CPED1: variants seen among roughly 807,000 people sequenced by gnomAD.
CPED1 encodes the protein cadherin-like and PC-esterase domain-containing protein 1.
In CPED1, 114 loss-of-function variants were observed where a neutral mutation model predicts 128.2. The observed-to-expected ratio is 0.89, with a 90% CI of 0.76 to 1.04. The LOEUF (loss-of-function observed/expected upper bound fraction) is 1.04, where lower values mean the gene tolerates loss of function less well. CPED1 is among the 50% of genes least tolerant of loss of function. The pLI is 0.00. For missense variants in CPED1, 1,211 were observed against 1,207.1 expected (o/e 1.00, Z -0.05); for synonymous variants, 462 against 426.7 (o/e 1.08, Z -1.02).
intron 7 of CPED1, among the ~76,000 whole-genome samples, chr7:121,109,644 C>T (rs181692672): frequency 5.3e-4 from 81 of 152,186 alleles, no homozygotes; most frequent in Admixed American, 3.9e-3. Context: ...CAAACTGATG[C>T]TTTGGTAGAA....
chr7:121,136,107 G>A lies in CPED1; in HGVS notation c.1699+17G>A. 1 of 1,545,666 alleles carries A rather than the reference G, an allele frequency of 6.5e-7. No homozygotes were observed. Among genetic ancestry groups the A allele is most frequent in the Non-Finnish European group, 8.6e-7 (1 of 1,156,122 alleles). On this transcript the variant is annotated intron_variant, in intron 14 of 22. Coordinates refer to ENST00000310396, the MANE Select transcript of CPED1 (RefSeq NM_024913.5). ...GCAGTGATGGTGAGTTGAGATTAAA[G>A]TGTTGTAGCAGCATAATAAACAATT...
chr7:121,295,175 A>AC (rs1562865931), intron 22 of CPED1, among the ~76,000 whole-genome samples: 4 of 151,590 alleles, frequency 2.6e-5, no homozygotes, highest in South Asian at 2.1e-4. Context: ...ACACACACAC[A>AC]AAGACTAGAA....
At chr7:121,094,535 A>G (rs1299554129) in intron 5 of CPED1, among the ~76,000 whole-genome samples, 1 of 152,192 alleles carries the variant, frequency 6.6e-6, no homozygotes, top group Non-Finnish European at 1.5e-5. Context: ...AAACAAGTTC[A>G]TTGTTAGAAC....
intron 7 of CPED1, among the ~76,000 whole-genome samples, chr7:121,115,773 A>T (rs1293664642): frequency 6.6e-6 from 1 of 152,208 alleles, no homozygotes; most frequent in Non-Finnish European, 1.5e-5. Context: ...TATTATTGGA[A>T]GTTCAAAGAA....
intron 16 of CPED1, among the ~76,000 whole-genome samples, chr7:121,219,297 C>T (rs547051869): frequency 2.6e-5 from 4 of 151,958 alleles, no homozygotes; most frequent in South Asian, 2.1e-4. Context: ...ATTTTCCAGT[C>T]GAAATCCTAC....
intron 7 of CPED1, among the ~76,000 whole-genome samples, chr7:121,107,722 G>C (rs1441344247): frequency 2.0e-5 from 3 of 151,528 alleles, no homozygotes; most frequent in African/African-American, 7.3e-5. Context: ...TTTTACTTTG[G>C]GTATAGAAAA....
chr7:121,201,357 A>G (rs563777472), intron 16 of CPED1, among the ~76,000 whole-genome samples: 4 of 152,040 alleles, frequency 2.6e-5, no homozygotes, highest in African/African-American at 9.6e-5. Flanking sequence ...GCTTGGACCT[A>G]GGAGGTGGAT....
intron 3 of CPED1, among the ~76,000 whole-genome samples, chr7:121,043,080 T>TTTACA (rs528765781): frequency 0.018 from 2,740 of 152,124 alleles, 72 homozygotes; most frequent in African/African-American, 0.059. Context: ...TTTACTCCAG[T>TTTACA]GCTTAGAAAG....
At position 121,106,748 on chromosome 7, in the gene CPED1, G is replaced by A. The variant is rs534371156; in HGVS notation, c.918+6654G>A. 1.7e-3 allele frequency among the ~76,000 whole-genome samples: 264 copies of A among 152,192 alleles called. 1 individual carries two copies. Among genetic ancestry groups the A allele is most frequent in the African/African-American group, 6.1e-3 (253 of 41,544 alleles). On this transcript the variant is annotated intron_variant, in intron 7 of 22. Transcript: ENST00000310396. Reference sequence around the variant, plus strand: ...AGTTATGGACTTGAAAAGAGCAAGTGTTGTTTCTCTGAACTGGATCCTGGA... The same window carrying A: ...AGTTATGGACTTGAAAAGAGCAAGTATTGTTTCTCTGAACTGGATCCTGGA...
intron 7 of CPED1, among the ~76,000 whole-genome samples, chr7:121,121,434 AT>A (rs1248987449): frequency 4.6e-5 from 7 of 152,338 alleles, no homozygotes; most frequent in Admixed American, 4.6e-4. Context: ...CCATGATCTT[AT>A]GAGGTCATTT....
intron 16 of CPED1, among the ~76,000 whole-genome samples, chr7:121,157,133 C>G (rs1213260799): frequency 6.6e-6 from 1 of 152,116 alleles, no homozygotes; most frequent in Non-Finnish European, 1.5e-5. Flanking sequence ...AACCACCACC[C>G]CTCTTCTTAC....
At chr7:120,997,778 T>G (rs1290027023) in intron 2 of CPED1, among the ~76,000 whole-genome samples, 1 of 151,648 alleles carries the variant, frequency 6.6e-6, no homozygotes, top group Non-Finnish European at 1.5e-5. Flanking sequence ...AAAAACTAGC[T>G]GGGCATGGTG....
chr7:121,261,696 G>C (rs762946373), intron 18 of CPED1: 179 of 1,608,472 alleles, frequency 1.1e-4, no homozygotes, highest in Non-Finnish European at 1.4e-4. Context: ...GTCATCCTGG[G>C]ACCCTAAATG....
chr7:121,261,767 G>A, intron 18 of CPED1: 1 of 1,544,578 alleles, frequency 6.5e-7, no homozygotes, highest in Non-Finnish European at 8.8e-7. Flanking sequence ...ATTTTTCTGA[G>A]AGAGTAATAA....
intron 5 of CPED1, among the ~76,000 whole-genome samples, chr7:121,079,358 G>A (rs1160494968): frequency 6.6e-6 from 1 of 152,200 alleles, no homozygotes; most frequent in Non-Finnish European, 1.5e-5. Context: ...GACTGCTTAT[G>A]GTAAAGCCCA....
intron 5 of CPED1, among the ~76,000 whole-genome samples, chr7:121,088,742 T>C (rs1201801190): frequency 8.4e-5 from 3 of 35,764 alleles, no homozygotes; most frequent in Non-Finnish European, 1.7e-4. Context: ...CTTCAAAAGT[T>C]AAAATCTAGG....
At chr7:121,180,209 G>T (rs940548464) in intron 16 of CPED1, among the ~76,000 whole-genome samples, 1 of 152,048 alleles carries the variant, frequency 6.6e-6, no homozygotes, top group African/African-American at 2.4e-5. Context: ...GATTCTTAAA[G>T]TGACTCATTA....
intron 4 of CPED1, chr7:121,050,306 C>T (rs1218148957): frequency 6.5e-6 from 1 of 152,794 alleles, no homozygotes; most frequent in African/African-American, 2.4e-5. Context: ...TCGCTATATA[C>T]TCATACAAAT....
At chr7:121,239,041 G>C (rs374438834) in intron 17 of CPED1, among the ~76,000 whole-genome samples, 1 of 152,146 alleles carries the variant, frequency 6.6e-6, no homozygotes, top group Non-Finnish European at 1.5e-5. Flanking sequence ...TAACAAGTGA[G>C]GTCAGGATAG....
Sources: allele counts gnomAD v4.1 joint callset (sites outside exome capture counted in the v4.1 genomes callset), GRCh38; gene constraint gnomAD v4.1.1; transcripts MANE v1.5; gene names NCBI Gene and HGNC (gene_info 2026-07-23, HGNC 2026-07-21).